The following ADGRD2 variants were observed in gnomAD, a reference collection of about 807,000 sequenced individuals.
The protein encoded by ADGRD2 is G protein-coupled receptor PGR24.
ADGRD2 carries 71 observed loss-of-function variants against 44.4 expected under a neutral mutation model. That is an observed-to-expected ratio of 1.60 (90% CI 1.32 to 1.95). The LOEUF (loss-of-function observed/expected upper bound fraction) is 1.95, where lower values mean the gene tolerates loss of function less well. Ranked by LOEUF, ADGRD2 falls within the 30% of genes most tolerant of loss-of-function variation. The pLI is 0.00. For synonymous variants in ADGRD2, 481 were observed against 224.8 expected (o/e 2.14, Z -10.19); for missense variants, 1,039 against 512.4 (o/e 2.03, Z -9.92).
chr9:124,466,243 C>G lies in ADGRD2; in HGVS notation c.1871-15C>G. 1 of 604,612 alleles carries G rather than the reference C, an allele frequency of 1.7e-6. No individual in the cohort carries two copies. 37.5% of individuals were successfully genotyped at this position (604,612 alleles called of 1,614,324 possible). On this transcript the variant is annotated splice_polypyrimidine_tract_variant and intron_variant, in intron 10 of 21. Coordinates refer to ENST00000334810, the Ensembl canonical transcript of ADGRD2. ...TGCTTCTGGCCCCTCACCCCCTTGT[C>G]CACCTTATCTCAAGAGCCCCCTGTT... is the stretch of plus-strand genomic sequence containing the variant.
intron 10 of ADGRD2, among the ~76,000 whole-genome samples, chr9:124,459,941 T>C (rs1280746779): frequency 6.6e-6 from 1 of 152,140 alleles, no homozygotes; most frequent in African/African-American, 2.4e-5. Flanking sequence ...GGGATTGAGG[T>C]ATTTCTCTAT....
At chr9:124,459,287 T>C (rs1831680029) in intron 10 of ADGRD2, among the ~76,000 whole-genome samples, 1 of 151,800 alleles carries the variant, frequency 6.6e-6, no homozygotes, top group Non-Finnish European at 1.5e-5. Context: ...AGGTCAGGAG[T>C]TCGAAACCAG....
At chr9:124,453,885 G>C (rs149009356) in intron 3 of ADGRD2, 114 bp from the exon 7 acceptor site, 15,942 of 420,134 alleles carry the variant, frequency 0.038, 1,413 homozygotes, top group East Asian at 0.34. Context: ...CCCACCCCGA[G>C]CTGGCAACAG....
chr9:124,450,644 A>T (rs1204027669), upstream of ADGRD2, among the ~76,000 whole-genome samples: 1 of 152,342 alleles, frequency 6.6e-6, no homozygotes, highest in South Asian at 2.1e-4. Flanking sequence ...TCGGGCCTCA[A>T]CGAGTGTTTG....
At position 124,473,364 on chromosome 9, in the gene ADGRD2, C is replaced by G. The variant is rs1229282402; in HGVS notation, c.2759-2082C>G. Among the ~76,000 whole-genome samples the G allele has an allele frequency of 2.0e-5, 3 of 152,348 alleles. No homozygotes were observed. In the East Asian group the frequency reaches 5.8e-4, roughly 29 times the overall value. ...TAACCAGCCGTAGCTCACACTTGCC[C>G]TGGTGGACAGAGCCTTGTTGTGAGG... On this transcript the variant is annotated intron_variant, in intron 17 of 21. Transcript: ENST00000334810.
chr9:124,476,191 C>T (rs955811184), intron 19 of ADGRD2, among the ~76,000 whole-genome samples, 166 bp from the exon 23 acceptor site: 1 of 152,198 alleles, frequency 6.6e-6, no homozygotes, highest in South Asian at 2.1e-4. Flanking sequence ...CCTGTGTGCC[C>T]CTGGGCAAGT....
chr9:124,454,038 G>T lies in ADGRD2; in HGVS notation c.965G>T (p.Arg322Leu), dbSNP rs981292059. ...TGCCCTACGTGGAACCCGGGACCTC[G>T]CAGTGAGGGCTCTGAGCTCTGCCTG... The change falls in exon 4 of 22, where the codon CGC becomes CTC. Residue 322 changes from arginine to leucine, a missense_variant. By Grantham distance (102) the Arg-to-Leu change is moderately radical. Transcript: ENST00000334810. This position sits in a 1 kb window ranked among gnomAD's most constrained non-coding sequence, Gnocchi z 4.5. 4 of 713,604 alleles carry T rather than the reference G, an allele frequency of 5.6e-6. No individual in the cohort carries two copies. Among genetic ancestry groups the T allele is most frequent in the East Asian group, 5.4e-5 (2 of 37,218 alleles). 44.2% of individuals were successfully genotyped at this position (713,604 alleles called of 1,614,324 possible).
chr9:124,459,029 C>T (rs142616988), intron 10 of ADGRD2, among the ~76,000 whole-genome samples: 162 of 152,306 alleles, frequency 1.1e-3, no homozygotes, highest in Non-Finnish European at 1.6e-3. Context: ...TTTCATTCTA[C>T]GTCTGCATAA....
intron 10 of ADGRD2, among the ~76,000 whole-genome samples, chr9:124,463,551 C>T (rs1241882828): frequency 6.6e-6 from 1 of 152,196 alleles, no homozygotes; most frequent in East Asian, 1.9e-4. Context: ...TCAGCTTCTC[C>T]AGTGAATTCC....
chr9:124,477,072 C>T (rs1209285590), intron 21 of ADGRD2: 1 of 536,556 alleles, frequency 1.9e-6, no homozygotes, highest in Non-Finnish European at 3.7e-6. Context: ...CCCAGCACCC[C>T]CCGTCACCCT....
Position 124,468,464 on chromosome 9 carries a change from G to A in ADGRD2, c.2234-55G>A, listed in dbSNP as rs898309951. The A allele has an allele frequency of 4.2e-6, 3 of 716,264 alleles. No homozygotes were observed. In the African/African-American group the frequency reaches 5.2e-5, roughly 13 times the overall value. The allele number at this position is 716,264 out of a possible 1,614,324, so 44.4% of individuals were successfully genotyped here. A position where few individuals can be genotyped will look rare whatever the true frequency, so the allele number is the denominator to read the frequency against. On this transcript the variant is annotated intron_variant, in intron 13 of 21. Coordinates refer to ENST00000334810, the Ensembl canonical transcript of ADGRD2. Reference sequence around the variant, plus strand: ...CGGGCTGGGCATGGGCCGCGGGGCTGGCCTGCACCTGCGTCTGACCTCGGA... The same window carrying A: ...CGGGCTGGGCATGGGCCGCGGGGCTAGCCTGCACCTGCGTCTGACCTCGGA...
At chr9:124,458,074 C>A (rs112513707) in intron 8 of ADGRD2, 39 bp from the exon 12 acceptor site, 18,973 of 717,262 alleles carry the variant, frequency 0.026, 1,645 homozygotes, top group East Asian at 0.25. Flanking sequence ...GCTTGCCCAG[C>A]CACCGGGTGG....
intron 10 of ADGRD2, among the ~76,000 whole-genome samples, chr9:124,464,173 T>G (rs912717001): frequency 6.6e-6 from 1 of 151,982 alleles, no homozygotes; most frequent in Non-Finnish European, 1.5e-5. Context: ...TATATACTAA[T>G]AATTTAAAAT....
rs1427934282 is a variant in ADGRD2, at chr9:124,454,784, C to T, written c.1109-59C>T. 4.7e-6 allele frequency: 3 copies of T among 634,658 alleles called. No individual in the cohort carries two copies. In the East Asian group the frequency reaches 8.2e-5, roughly 17 times the overall value. 39.3% of individuals were successfully genotyped at this position (634,658 alleles called of 1,614,324 possible). The stretch of plus-strand genomic sequence containing the variant: ...GACCCTGGCAAAGCCCAAGTGTGGC[C>T]CTTGGGGGGATCCCCTCATAACAAC... On this transcript the variant is annotated intron_variant, in intron 5 of 21. Coordinates refer to ENST00000334810, the Ensembl canonical transcript of ADGRD2. This position sits in a 1 kb window ranked among gnomAD's most constrained non-coding sequence, Gnocchi z 4.5.
intron 17 of ADGRD2, among the ~76,000 whole-genome samples, chr9:124,472,302 TC>T (rs1370416533): frequency 6.6e-6 from 1 of 151,986 alleles, no homozygotes; most frequent in Non-Finnish European, 1.5e-5. Flanking sequence ...TCTGTCACTG[TC>T]CCCCTCTCCC....
Position 124,469,403 on chromosome 9 carries a change from C to G in ADGRD2, c.2522-29C>G, listed in dbSNP as rs1439039612. On this transcript the variant is annotated intron_variant, in intron 15 of 21. Transcript: ENST00000334810. ...AGGGGCGTGTTGGGGATGGGGAAGT[C>G]CTCTTGCCCACTGACCCCAGGTCTC... The G allele has an allele frequency of 8.4e-6, 6 of 718,158 alleles. No homozygotes were observed. The African/African-American group carries it at 1.0e-4, about 13-fold the overall frequency. 44.5% of individuals were successfully genotyped at this position (718,158 alleles called of 1,614,324 possible). A position where few individuals can be genotyped will look rare whatever the true frequency, so the allele number is the denominator to read the frequency against.
chr9:124,468,015 G>C (rs1177929174), intron 12 of ADGRD2, 73 bp from the exon 16 acceptor site: 2 of 716,844 alleles, frequency 2.8e-6, no homozygotes, highest in Non-Finnish European at 5.2e-6. Context: ...AGGGGATCGG[G>C]CAGGACAGGG....
At chr9:124,464,640 T>G (rs1831780771) in intron 10 of ADGRD2, among the ~76,000 whole-genome samples, 1 of 152,246 alleles carries the variant, frequency 6.6e-6, no homozygotes, top group South Asian at 2.1e-4. Context: ...CTGGGGCTCG[T>G]ACCACTGGCC....
chr9:124,467,839 C>T lies in ADGRD2; in HGVS notation c.2130+15C>T, dbSNP rs10818977. The T allele has an allele frequency of 0.41, 294,775 of 717,942 alleles. 63,739 individuals are homozygous for T. The highest frequency in any genetic ancestry group is 0.7 in the East Asian group (26,191 of 37,252). The allele number at this position is 717,942 out of a possible 1,614,324, so 44.5% of individuals were successfully genotyped here. Reference sequence around the variant, plus strand: ...CTGGTGGCCGGGTGAGGAGAGTTCACCACTGTAGCCTGGTGGCCTGGGCCC... The same window carrying T: ...CTGGTGGCCGGGTGAGGAGAGTTCATCACTGTAGCCTGGTGGCCTGGGCCC... On this transcript the variant is annotated intron_variant, in intron 12 of 21. Transcript: ENST00000334810.
Sources: allele counts gnomAD v4.1 joint callset (sites outside exome capture counted in the v4.1 genomes callset), GRCh38; gene constraint gnomAD v4.1.1; non-coding constraint Gnocchi (gnomAD v3.1); transcripts MANE v1.5; gene names NCBI Gene and HGNC (gene_info 2026-07-23, HGNC 2026-07-21).